Variants in NDST3 observed in about 807,000 individuals in gnomAD.
NDST3 encodes the protein N-deacetylase and N-sulfotransferase 3.
NDST3 carries 58 observed loss-of-function variants against 96.1 expected under a neutral mutation model. The ratio of observed to expected loss-of-function variants is 0.60; its 90% CI spans 0.49 to 0.75. The LOEUF (loss-of-function observed/expected upper bound fraction) is 0.75. Ranked by LOEUF, NDST3 falls within the 30% of genes least tolerant of loss-of-function variation. The pLI, the probability that NDST3 is intolerant of heterozygous loss-of-function variation, is 0.00. For missense variants in NDST3, 788 were observed against 1,034.2 expected, an observed-to-expected ratio of 0.76 and a Z score of 3.27; for synonymous variants, 333 against 359.7, an observed-to-expected ratio of 0.93 and a Z score of 0.84.
At chr4:118,208,885 A>G (rs1223397104) in intron 6 of NDST3, among the ~76,000 whole-genome samples, 1 of 144,650 alleles carries the variant, frequency 6.9e-6, no homozygotes, top group Admixed American at 6.8e-5. Context: ...CAGCATTTTT[A>G]AATCACAAAA....
chr4:118,109,455 G>A (rs758761460), intron 3 of NDST3, among the ~76,000 whole-genome samples: 1 of 152,174 alleles, frequency 6.6e-6, no homozygotes, highest in African/African-American at 2.4e-5. Flanking sequence ...GCCAATTCAT[G>A]TCATTCCTTC....
chr4:118,146,583 G>A (rs1447310689), intron 6 of NDST3, among the ~76,000 whole-genome samples: 2 of 152,120 alleles, frequency 1.3e-5, no homozygotes, highest in African/African-American at 4.8e-5. Flanking sequence ...ATAACTCTCT[G>A]GCCTGAAATG....
In NDST3 at chr4:118,255,922, T is replaced by A. The variant is rs1742094374; in HGVS notation, c.*210T>A. On this transcript the variant is annotated 3_prime_UTR_variant, in exon 14 of 14. Transcript: ENST00000296499. ...CCTGTGGCCTTTCTCTTAACCCATA[T>A]CTGAGCCTGTGGGATTATTGTAGAC... The A allele has an allele frequency of 7.1e-6, 3 of 424,920 alleles. No individual in the cohort carries two copies. In the South Asian group the frequency reaches 1.4e-4, roughly 19 times the overall value. The allele number at this position is 424,920 out of a possible 1,614,324, so 26.3% of individuals were successfully genotyped here.
intron 2 of NDST3, among the ~76,000 whole-genome samples, chr4:118,060,013 G>T (rs1397740516): frequency 6.6e-6 from 1 of 151,874 alleles, no homozygotes; most frequent in Non-Finnish European, 1.5e-5. Flanking sequence ...TTTATAACTG[G>T]ATACAGTATG....
At chr4:118,058,188 G>A (rs1725587755) in intron 2 of NDST3, among the ~76,000 whole-genome samples, 1 of 151,896 alleles carries the variant, frequency 6.6e-6, no homozygotes, top group Non-Finnish European at 1.5e-5. Flanking sequence ...GTACAAAATT[G>A]GAAGGAGAGT....
intron 6 of NDST3, among the ~76,000 whole-genome samples, chr4:118,177,929 A>C (rs1011718369): frequency 1.8e-4 from 27 of 152,084 alleles, no homozygotes; most frequent in African/African-American, 6.3e-4. Context: ...GAGGGGCTTT[A>C]CTGAAATGGA....
intron 6 of NDST3, among the ~76,000 whole-genome samples, chr4:118,155,432 T>G (rs1734656662): frequency 6.6e-6 from 1 of 152,216 alleles, no homozygotes; most frequent in African/African-American, 2.4e-5. Flanking sequence ...TACCATATTG[T>G]CCAGGGTTGG....
At chr4:118,200,605 A>G (rs2049362) in intron 6 of NDST3, among the ~76,000 whole-genome samples, 123,836 of 152,100 alleles carry the variant, frequency 0.81, 52,764 homozygotes, top group South Asian at 0.95. Flanking sequence ...TGTCTTTGGG[A>G]CAGTATTGTA....
chr4:118,215,107 A>C (rs983649654), intron 6 of NDST3, among the ~76,000 whole-genome samples: 1 of 152,112 alleles, frequency 6.6e-6, no homozygotes, highest in Non-Finnish European at 1.5e-5. Context: ...AATGTCAACT[A>C]GACATTTAAG....
At chr4:118,111,149 A>G (rs1011979404) in intron 3 of NDST3, among the ~76,000 whole-genome samples, 1 of 152,164 alleles carries the variant, frequency 6.6e-6, no homozygotes, top group Non-Finnish European at 1.5e-5. Context: ...GCAACAGTAG[A>G]CACTGGGGAC....
intron 6 of NDST3, among the ~76,000 whole-genome samples, chr4:118,162,486 A>T: frequency 6.6e-6 from 1 of 151,950 alleles, no homozygotes; most frequent in Non-Finnish European, 1.5e-5. Context: ...CCTGAGAAAA[A>T]CAAGCAATGG....
intron 6 of NDST3, among the ~76,000 whole-genome samples, chr4:118,163,014 T>C (rs969895729): frequency 3.3e-5 from 5 of 151,540 alleles, no homozygotes; most frequent in Non-Finnish European, 5.9e-5. Flanking sequence ...TCACCATCAC[T>C]GGCCATCAGA....
intron 9 of NDST3, among the ~76,000 whole-genome samples, chr4:118,235,061 G>GA (rs1740549935): frequency 6.6e-6 from 1 of 150,422 alleles, no homozygotes; most frequent in Non-Finnish European, 1.5e-5. Flanking sequence ...AGGAAGGAAG[G>GA]AAGGACTGAC....
chr4:118,115,038 T>C lies in NDST3; in HGVS notation c.1224+78T>C. 4 of 1,486,146 alleles carry C rather than the reference T, an allele frequency of 2.7e-6. No individual in the cohort carries two copies. The Middle Eastern group carries it at 7.6e-4, about 281-fold the overall frequency. The allele number at this position is 1,486,146 out of a possible 1,614,324, so 92.1% of individuals were successfully genotyped here. ...AAAAGATTCTTACATTGTGGCATAG[T>C]TGCGCTTTTCAGTGGCTTTTCCATA... On this transcript the variant is annotated intron_variant, in intron 4 of 13. Transcript: ENST00000296499.
intron 6 of NDST3, chr4:118,193,295 A>C: frequency 2.7e-6 from 1 of 369,198 alleles, no homozygotes; most frequent in Middle Eastern, 7.7e-4. Flanking sequence ...AACCAGATAG[A>C]AAAATAAAGG....
intron 6 of NDST3, among the ~76,000 whole-genome samples, chr4:118,220,705 A>C (rs1560726294): frequency 6.6e-6 from 1 of 152,030 alleles, no homozygotes; most frequent in Non-Finnish European, 1.5e-5. Flanking sequence ...AATCTTCTGA[A>C]CATCACCACA....
Position 118,242,047 on chromosome 4 carries a change from T to C in NDST3, c.2297T>C (p.Ile766Thr). 2 of 1,606,282 alleles carry C rather than the reference T, an allele frequency of 1.2e-6. No homozygotes were observed. Among genetic ancestry groups the C allele is most frequent in the Non-Finnish European group, 1.7e-6 (2 of 1,174,838 alleles). Residue 766 changes from isoleucine (I) to threonine (T), a missense_variant, in exon 12 of 14, where the codon ATT (isoleucine) becomes ACT (threonine). Coordinates refer to ENST00000296499, the MANE Select transcript of NDST3 (RefSeq NM_004784.3). Reference protein sequence around the residue: ...LVYFPPFQLLIIDGQQLRTDP... With the variant: ...LVYFPPFQLLTIDGQQLRTDP... ...TTTTATTTGATAATTTAGTTGCTAATTATTGATGGGCAACAACTAAGAACT... is the reference window on the plus strand; with the variant it reads ...TTTTATTTGATAATTTAGTTGCTAACTATTGATGGGCAACAACTAAGAACT...
chr4:118,097,037 G>A (rs1296888560), intron 2 of NDST3, among the ~76,000 whole-genome samples: 1 of 151,950 alleles, frequency 6.6e-6, no homozygotes, highest in Non-Finnish European at 1.5e-5. Flanking sequence ...TCATGTGATT[G>A]GATGAGGGCC....
intron 9 of NDST3, among the ~76,000 whole-genome samples, chr4:118,233,396 T>C (rs987020463): frequency 6.6e-6 from 1 of 152,164 alleles, no homozygotes; most frequent in African/African-American, 2.4e-5. Context: ...ATTATAGATA[T>C]TAAGTCAGAA....
Sources: allele counts gnomAD v4.1 joint callset (sites outside exome capture counted in the v4.1 genomes callset), GRCh38; gene constraint gnomAD v4.1.1; transcripts MANE v1.5; gene names NCBI Gene and HGNC (gene_info 2026-07-23, HGNC 2026-07-21).